Variants in FCHSD2 observed in about 807,000 individuals in gnomAD.
FCHSD2 encodes FCH and double SH3 domains 2.
FCHSD2 carries 38 observed loss-of-function variants against 108.1 expected under a neutral mutation model. The ratio of observed to expected loss-of-function variants is 0.35; its 90% CI spans 0.27 to 0.46. The LOEUF is 0.46. Among genes scored for constraint, FCHSD2 ranks in the 20% least tolerant of loss-of-function variants. The probability of loss-of-function intolerance (pLI) is 1.00; values close to 1 mark genes in which losing one functional copy is unlikely to be tolerated. For synonymous variants in FCHSD2, 279 were observed against 314.7 expected (o/e 0.89, Z 1.20); for missense variants, 751 against 897.8 (o/e 0.84, Z 2.09).
intron 8 of FCHSD2, among the ~76,000 whole-genome samples, chr11:72,981,818 TA>T (rs1857220900): frequency 6.6e-6 from 1 of 151,886 alleles, no homozygotes; most frequent in South Asian, 2.1e-4. Flanking sequence ...TCTGCGAAAA[TA>T]AAAATTAAGA....
At chr11:72,952,627 T>C (rs563068159) in intron 8 of FCHSD2, among the ~76,000 whole-genome samples, 62 of 152,290 alleles carry the variant, frequency 4.1e-4, no homozygotes, top group African/African-American at 1.4e-3. Flanking sequence ...GCCTGGCCTA[T>C]AGTTAATTTT....
intron 12 of FCHSD2, among the ~76,000 whole-genome samples, chr11:72,878,147 C>T (rs1855007915): frequency 6.6e-6 from 1 of 151,998 alleles, no homozygotes; most frequent in Non-Finnish European, 1.5e-5. Context: ...GGCATAGTGG[C>T]ATGCAGTTGT....
At chr11:72,950,323 C>T (rs1009995793) in intron 8 of FCHSD2, among the ~76,000 whole-genome samples, 2 of 152,058 alleles carry the variant, frequency 1.3e-5, no homozygotes, top group Admixed American at 6.5e-5. Flanking sequence ...TCCTTTGATA[C>T]ACAAAAGTTT....
chr11:72,910,827 TAA>T (rs34549479), intron 9 of FCHSD2, among the ~76,000 whole-genome samples: 220 of 116,574 alleles, frequency 1.9e-3, no homozygotes, highest in Middle Eastern at 8.7e-3. Flanking sequence ...CAATAAATAC[TAA>T]AAAAAAAAAA....
intron 8 of FCHSD2, among the ~76,000 whole-genome samples, chr11:72,943,202 AG>A (rs1856456080): frequency 6.6e-6 from 1 of 152,070 alleles, no homozygotes; most frequent in South Asian, 2.1e-4. Flanking sequence ...CATGTTAGCC[AG>A]GCTGGTCTCG....
intron 2 of FCHSD2, among the ~76,000 whole-genome samples, chr11:73,108,087 T>G (rs1860388407): frequency 6.6e-6 from 1 of 152,260 alleles, no homozygotes; most frequent in Admixed American, 6.5e-5. Context: ...TGTTACTGTC[T>G]GTCTTTTGGA....
At chr11:73,065,142 C>CA (rs1160629203) in intron 3 of FCHSD2, among the ~76,000 whole-genome samples, 1 of 152,182 alleles carries the variant, frequency 6.6e-6, no homozygotes. Context: ...AGCAGCACAT[C>CA]AAAAAGCTTA....
intron 8 of FCHSD2, among the ~76,000 whole-genome samples, chr11:72,948,650 A>C (rs1401262226): frequency 1.4e-5 from 2 of 145,886 alleles, no homozygotes; most frequent in African/African-American, 2.5e-5. Context: ...ATTAAGATTA[A>C]CATTGTCATA....
In FCHSD2 at chr11:73,118,723, G is replaced by A. The variant is rs576253610; in HGVS notation, c.119+21308C>T. 2.7e-4 allele frequency among the ~76,000 whole-genome samples: 41 copies of A among 152,224 alleles called. 1 individual carries two copies. In the South Asian group the frequency reaches 4.4e-3, roughly 16 times the overall value. On this transcript the variant is annotated intron_variant, in intron 2 of 19. Coordinates refer to ENST00000409418, the MANE Select transcript of FCHSD2 (RefSeq NM_014824.3). ...AATATGATGATACTATAATGATGAT[G>A]GCAAACACTAACTGAGCCCTTACCA...
chr11:72,978,411 C>A (rs1222498212), intron 8 of FCHSD2, among the ~76,000 whole-genome samples: 1 of 151,974 alleles, frequency 6.6e-6, no homozygotes, highest in Non-Finnish European at 1.5e-5. Context: ...GGCAAGCAGG[C>A]ATATAAAAAG....
chr11:72,943,958 CT>C (rs1301797906), intron 8 of FCHSD2, among the ~76,000 whole-genome samples: 1 of 152,130 alleles, frequency 6.6e-6, no homozygotes, highest in Non-Finnish European at 1.5e-5. Flanking sequence ...ACTTTAACTT[CT>C]ATTGCATGAC....
At chr11:73,000,937 A>T in intron 5 of FCHSD2, 53 bp downstream of exon 5, 1 of 1,465,068 alleles carries the variant, frequency 6.8e-7, no homozygotes, top group South Asian at 1.3e-5. Flanking sequence ...GCAGATTATA[A>T]ATGTAGCACT....
At chr11:73,118,656 C>T (rs1860660189) in intron 2 of FCHSD2, among the ~76,000 whole-genome samples, 1 of 152,070 alleles carries the variant, frequency 6.6e-6, no homozygotes, top group Non-Finnish European at 1.5e-5. Context: ...GGATGTTTAT[C>T]TCTTCATTAC....
At chr11:73,117,082 A>G (rs1860621888) in intron 2 of FCHSD2, among the ~76,000 whole-genome samples, 1 of 152,064 alleles carries the variant, frequency 6.6e-6, no homozygotes, top group South Asian at 2.1e-4. Context: ...GATTATACGT[A>G]TTTTTGTTTT....
chr11:72,956,933 T>C (rs771310035), intron 8 of FCHSD2, among the ~76,000 whole-genome samples: 16 of 151,956 alleles, frequency 1.1e-4, no homozygotes, highest in Middle Eastern at 3.4e-3. Flanking sequence ...ATGTGATACA[T>C]AGAGAAGACA....
At position 72,877,870 on chromosome 11, in the gene FCHSD2, G is replaced by C. The variant is rs118141553; in HGVS notation, c.1146+9600C>G. Among the ~76,000 whole-genome samples the C allele has an allele frequency of 2.9e-3, 446 of 152,194 alleles. 21 individuals are homozygous for C. The East Asian group carries it at 0.085, about 29-fold the overall frequency. Reference sequence around the variant, plus strand: ...AAAATGCAAAAATTAGCTGGGTATGGTGGCACATGTCTGTAGCCCCAGCTA... The same window carrying C: ...AAAATGCAAAAATTAGCTGGGTATGCTGGCACATGTCTGTAGCCCCAGCTA... On this transcript the variant is annotated intron_variant, in intron 12 of 19. Coordinates refer to ENST00000409418, the MANE Select transcript of FCHSD2 (RefSeq NM_014824.3).
chr11:73,024,632 T>C (rs1051167772), intron 3 of FCHSD2, among the ~76,000 whole-genome samples: 11 of 152,132 alleles, frequency 7.2e-5, no homozygotes, highest in Admixed American at 1.3e-4. Flanking sequence ...AAATCAAGCA[T>C]TGACAAATGG....
At chr11:72,990,670 G>C (rs571082990) in intron 5 of FCHSD2, among the ~76,000 whole-genome samples, 45 of 152,302 alleles carry the variant, frequency 3.0e-4, no homozygotes, top group Non-Finnish European at 5.7e-4. Context: ...TGAGAACAAA[G>C]ACACAACATA....
chr11:73,068,190 T>C (rs961003448), intron 3 of FCHSD2, among the ~76,000 whole-genome samples: 2 of 152,032 alleles, frequency 1.3e-5, no homozygotes, highest in African/African-American at 2.4e-5. Context: ...AGGCAAACCA[T>C]ATCAGTACCC....
Sources: allele counts gnomAD v4.1 joint callset (sites outside exome capture counted in the v4.1 genomes callset), GRCh38; gene constraint gnomAD v4.1.1; transcripts MANE v1.5; gene names NCBI Gene and HGNC (gene_info 2026-07-23, HGNC 2026-07-21).